The following CSMD1 variants were observed in gnomAD, a reference collection of about 807,000 sequenced individuals.
CSMD1 encodes the protein CUB and Sushi multiple domains 1.
A neutral mutation model predicts 417.5 loss-of-function variants in CSMD1; 213 were observed. That is an observed-to-expected ratio of 0.51 (90% CI 0.46 to 0.57). CSMD1 has a LOEUF of 0.57. Among genes scored for constraint, CSMD1 ranks in the 20% least tolerant of loss-of-function variants. CSMD1 has a pLI of 0.00. For missense variants in CSMD1, 6,923 were observed against 4,529.7 expected (o/e 1.53, Z -15.17); for synonymous variants, 2,862 against 1,736.8 (o/e 1.65, Z -16.11).
intron 3 of CSMD1, among the ~76,000 whole-genome samples, chr8:4,301,341 C>G (rs1024349012): frequency 6.6e-6 from 1 of 152,216 alleles, no homozygotes; most frequent in Non-Finnish European, 1.5e-5. Flanking sequence ...AACTGTTATG[C>G]TTTTGCTTTG....
At chr8:4,801,093 G>A (rs775702377) in intron 1 of CSMD1, among the ~76,000 whole-genome samples, 1 of 152,124 alleles carries the variant, frequency 6.6e-6, no homozygotes, top group Non-Finnish European at 1.5e-5. Context: ...ATAAATTCAT[G>A]AGCCAAAATA....
intron 5 of CSMD1, among the ~76,000 whole-genome samples, chr8:3,856,571 T>C (rs1429513892): frequency 1.3e-5 from 2 of 152,144 alleles, no homozygotes; most frequent in Non-Finnish European, 1.5e-5. Context: ...GGGGCCTGAG[T>C]ATGGCAGACT....
intron 4 of CSMD1, among the ~76,000 whole-genome samples, chr8:4,024,772 C>T (rs900419450): frequency 1.3e-5 from 2 of 152,180 alleles, no homozygotes; most frequent in African/African-American, 2.4e-5. Context: ...CATACATAAA[C>T]ATACGTAGTT....
chr8:4,522,200 T>C (rs529095645), intron 2 of CSMD1, among the ~76,000 whole-genome samples: 24 of 152,188 alleles, frequency 1.6e-4, no homozygotes, highest in Middle Eastern at 3.4e-3. Flanking sequence ...GCTGATGATT[T>C]ATAAAAATGG....
intron 6 of CSMD1, among the ~76,000 whole-genome samples, chr8:3,748,958 G>A (rs1233311106): frequency 2.6e-5 from 4 of 152,144 alleles, no homozygotes; most frequent in Non-Finnish European, 5.9e-5. Context: ...CTTTCATGAT[G>A]ATTTATCAGT....
intron 7 of CSMD1, among the ~76,000 whole-genome samples, chr8:3,643,282 C>A (rs967301068): frequency 4.6e-5 from 7 of 151,820 alleles, no homozygotes; most frequent in Admixed American, 2.0e-4. Context: ...CCAAAGAGAA[C>A]TGGATGGAAA....
At chr8:4,157,011 T>G (rs148836525) in intron 3 of CSMD1, among the ~76,000 whole-genome samples, 4 of 152,154 alleles carry the variant, frequency 2.6e-5, no homozygotes, top group African/African-American at 9.6e-5. Flanking sequence ...GTAGGGGTGG[T>G]GGCCAGGCAT....
intron 3 of CSMD1, among the ~76,000 whole-genome samples, chr8:4,371,856 A>G (rs1802416499): frequency 2.0e-5 from 3 of 152,254 alleles, no homozygotes; most frequent in Admixed American, 2.0e-4. Context: ...ATTGATCAAA[A>G]TAAATATTTA....
chr8:3,889,624 T>C (rs1652174109), intron 5 of CSMD1, among the ~76,000 whole-genome samples: 1 of 150,878 alleles, frequency 6.6e-6, no homozygotes, highest in East Asian at 2.0e-4. Context: ...CAGCTGACAG[T>C]GTGAAGAGGA....
At chr8:4,872,665 G>C (rs1389322908) in intron 1 of CSMD1, among the ~76,000 whole-genome samples, 1 of 152,100 alleles carries the variant, frequency 6.6e-6, no homozygotes, top group Admixed American at 6.5e-5. Context: ...CAGAAATTGC[G>C]AGAGTAGAAT....
intron 3 of CSMD1, among the ~76,000 whole-genome samples, chr8:4,161,940 A>G (rs17405197): frequency 6.6e-6 from 1 of 152,136 alleles, no homozygotes; most frequent in Non-Finnish European, 1.5e-5. Flanking sequence ...AATATTCAGT[A>G]AGTATAGTAC....
At chr8:3,412,486 C>A (rs903350349) in intron 12 of CSMD1, among the ~76,000 whole-genome samples, 1 of 152,098 alleles carries the variant, frequency 6.6e-6, no homozygotes, top group Non-Finnish European at 1.5e-5. Context: ...AACTTTACTT[C>A]TAAGTGTCTG....
chr8:4,367,738 A>G (rs2128911000), intron 3 of CSMD1, among the ~76,000 whole-genome samples: 1 of 152,182 alleles, frequency 6.6e-6, no homozygotes, highest in South Asian at 2.1e-4. Context: ...GATTTCTTTC[A>G]GCAGTGTTTT....
chr8:4,560,223 C>A (rs1278969480), intron 2 of CSMD1, among the ~76,000 whole-genome samples: 1 of 152,222 alleles, frequency 6.6e-6, no homozygotes, highest in Non-Finnish European at 1.5e-5. Flanking sequence ...AGCTAAGAAG[C>A]CATGTTTGCT....
chr8:4,437,769 G>C (rs1281335752), intron 2 of CSMD1, among the ~76,000 whole-genome samples: 1 of 152,148 alleles, frequency 6.6e-6, no homozygotes, highest in Non-Finnish European at 1.5e-5. Flanking sequence ...TGAAGACAGA[G>C]ATCTTTGAGT....
intron 6 of CSMD1, among the ~76,000 whole-genome samples, chr8:3,743,504 AAAG>A (rs1347400690): frequency 2.0e-5 from 3 of 152,230 alleles, no homozygotes; most frequent in African/African-American, 7.2e-5. Flanking sequence ...GTTTCTTCAA[AAAG>A]AATAATGGAA....
chr8:4,245,447 C>T (rs976092160), intron 3 of CSMD1, among the ~76,000 whole-genome samples: 2 of 152,112 alleles, frequency 1.3e-5, no homozygotes, highest in African/African-American at 4.8e-5. Flanking sequence ...TGGTGCTCAA[C>T]ACAATCACGA....
At chr8:4,288,561 T>A (rs774555985) in intron 3 of CSMD1, among the ~76,000 whole-genome samples, 5 of 152,178 alleles carry the variant, frequency 3.3e-5, no homozygotes, top group African/African-American at 4.8e-5. Context: ...TCCTTCTAAG[T>A]GAATGGATGC....
chr8:4,442,790 C>T (rs967837868), intron 2 of CSMD1, among the ~76,000 whole-genome samples: 3 of 152,176 alleles, frequency 2.0e-5, no homozygotes, highest in Admixed American at 1.3e-4. Context: ...TGATAACTTA[C>T]AATTTTTAAA....
Sources: gnomAD v4.1 joint callset for allele counts (sites outside exome capture counted in the v4.1 genomes callset) on GRCh38, gnomAD v4.1.1 for gene constraint, MANE v1.5 for transcripts, NCBI Gene and HGNC (gene_info 2026-07-23, HGNC 2026-07-21) for gene names.